The following GPC6 variants were observed in gnomAD, a reference collection of about 807,000 sequenced individuals.
GPC6 encodes glypican 6.
Under a neutral mutation model 55.2 loss-of-function variants are expected in GPC6, and 14 were observed. The ratio of observed to expected loss-of-function variants is 0.25; its 90% CI spans 0.17 to 0.40. The LOEUF (loss-of-function observed/expected upper bound fraction) is 0.40. Among genes scored for constraint, GPC6 ranks in the 10% least tolerant of loss-of-function variants. The pLI is 1.00. For synonymous variants in GPC6, 278 were observed against 259.6 expected (o/e 1.07, Z -0.68); for missense variants, 641 against 708.5 (o/e 0.90, Z 1.08).
rs1880667069 is a variant in GPC6 at position 94,391,997 on chromosome 13, T to C, written c.1290-6469T>C. ...TTTCTTCCTTTCTAAGGCTGAATTA[T>C]ATTTCCACTCTATGTGTATACCATA... is the stretch of plus-strand genomic sequence containing the variant. On this transcript the variant is annotated intron_variant, in intron 7 of 8. Coordinates refer to ENST00000377047, the MANE Select transcript of GPC6 (RefSeq NM_005708.5). Among the ~76,000 whole-genome samples the C allele has an allele frequency of 2.0e-5, 3 of 152,392 alleles. 1 individual carries two copies. Among genetic ancestry groups the C allele is most frequent in the Middle Eastern group, 6.8e-3 (2 of 294 alleles).
chr13:94,034,511 A>G (rs1883266480), intron 4 of GPC6, among the ~76,000 whole-genome samples: 1 of 152,160 alleles, frequency 6.6e-6, no homozygotes. Context: ...TCACAGAAGC[A>G]CAATTTCTAT....
At chr13:93,983,183 T>G (rs1382309861) in intron 3 of GPC6, among the ~76,000 whole-genome samples, 1 of 152,196 alleles carries the variant, frequency 6.6e-6, no homozygotes, top group Non-Finnish European at 1.5e-5. Flanking sequence ...GAAAAGCTTG[T>G]GCAAGACCTG....
intron 2 of GPC6, among the ~76,000 whole-genome samples, chr13:93,822,563 A>G (rs896055452): frequency 6.6e-6 from 1 of 152,034 alleles, no homozygotes; most frequent in African/African-American, 2.4e-5. Flanking sequence ...CATCACCTAC[A>G]TTAGGTATTT....
intron 2 of GPC6, among the ~76,000 whole-genome samples, chr13:93,774,149 T>C (rs772912860): frequency 5.8e-4 from 88 of 152,196 alleles, no homozygotes; most frequent in Non-Finnish European, 1.1e-3. Context: ...GTTCCAGATA[T>C]GTATAGACCA....
chr13:94,131,062 T>C (rs2138865934), intron 4 of GPC6, among the ~76,000 whole-genome samples: 1 of 152,246 alleles, frequency 6.6e-6, no homozygotes, highest in South Asian at 2.1e-4. Flanking sequence ...AGGAAAGAAG[T>C]AGCAGTCTTA....
At chr13:93,710,629 C>A (rs1466680810) in intron 2 of GPC6, among the ~76,000 whole-genome samples, 2 of 151,364 alleles carry the variant, frequency 1.3e-5, no homozygotes, top group East Asian at 3.9e-4. Flanking sequence ...TTATTTTGTT[C>A]TTAAAATTTG....
intron 1 of GPC6, among the ~76,000 whole-genome samples, chr13:93,345,801 G>C (rs887994876): frequency 6.6e-6 from 1 of 152,110 alleles, no homozygotes; most frequent in African/African-American, 2.4e-5. Flanking sequence ...ACCACGTCTT[G>C]TTTGGCTTTA....
chr13:93,555,584 TG>T (rs1179223987), intron 2 of GPC6, among the ~76,000 whole-genome samples: 9 of 152,156 alleles, frequency 5.9e-5, no homozygotes, highest in African/African-American at 2.2e-4. Flanking sequence ...TTGGTTCCAG[TG>T]GATTTAATGG....
intron 1 of GPC6, among the ~76,000 whole-genome samples, chr13:93,396,376 A>G (rs2139225450): frequency 6.6e-6 from 1 of 152,256 alleles, no homozygotes; most frequent in South Asian, 2.1e-4. Context: ...CAGCCTGGCC[A>G]ATACGGTGAA....
chr13:93,225,503 GTTTTGT>G (rs1875744922), upstream of GPC6, among the ~76,000 whole-genome samples: 77 of 11,412 alleles, frequency 6.7e-3, no homozygotes, highest in African/African-American at 7.4e-3. Context: ...TTTTTGTTTT[GTTTTGT>G]TTTTTTTTTT....
chr13:94,168,309 G>T (rs909305611), intron 4 of GPC6, among the ~76,000 whole-genome samples: 2 of 152,174 alleles, frequency 1.3e-5, no homozygotes, highest in African/African-American at 4.8e-5. Flanking sequence ...ATTCTATTTG[G>T]CTGTCTTTAG....
chr13:93,832,605 A>G (rs1887563434), intron 3 of GPC6, among the ~76,000 whole-genome samples: 1 of 152,130 alleles, frequency 6.6e-6, no homozygotes, highest in Non-Finnish European at 1.5e-5. Flanking sequence ...AGTGTCTACA[A>G]AGCCATGAGG....
At chr13:93,812,684 A>G (rs1296458363) in intron 2 of GPC6, among the ~76,000 whole-genome samples, 1 of 152,048 alleles carries the variant, frequency 6.6e-6, no homozygotes, top group Non-Finnish European at 1.5e-5. Flanking sequence ...TTTTAAATGG[A>G]TAATAATGAC....
chr13:94,373,859 G>A (rs867375265), intron 6 of GPC6, among the ~76,000 whole-genome samples: 95 of 152,136 alleles, frequency 6.2e-4, no homozygotes, highest in Middle Eastern at 3.4e-3. Context: ...GACTAACAGC[G>A]GATCTCTCGG....
chr13:94,275,448 G>T (rs907857902), intron 4 of GPC6, among the ~76,000 whole-genome samples: 2 of 152,078 alleles, frequency 1.3e-5, no homozygotes, highest in Admixed American at 6.6e-5. Flanking sequence ...TAGAGTATCT[G>T]GACTATATTT....
chr13:94,083,264 G>A lies in GPC6; in HGVS notation c.877+55370G>A, dbSNP rs544780331. 1.5e-3 allele frequency among the ~76,000 whole-genome samples: 234 copies of A among 151,952 alleles called. 1 individual carries two copies. Among genetic ancestry groups the A allele is most frequent in the African/African-American group, 5.3e-3 (218 of 41,454 alleles). ...CTCCTGAGTAGCTGGGACTACAGGC[G>A]CCCGCCACCACACCCGTCTAATTTT... On this transcript the variant is annotated intron_variant, in intron 4 of 8. Coordinates refer to ENST00000377047, the MANE Select transcript of GPC6 (RefSeq NM_005708.5).
At chr13:93,443,698 A>T (rs1393036953) in intron 1 of GPC6, among the ~76,000 whole-genome samples, 1 of 152,186 alleles carries the variant, frequency 6.6e-6, no homozygotes, top group East Asian at 1.9e-4. Flanking sequence ...TTCACAAATA[A>T]TTGGTGTTTC....
intron 2 of GPC6, among the ~76,000 whole-genome samples, chr13:93,725,450 A>G (rs1007652229): frequency 1.3e-5 from 2 of 152,104 alleles, no homozygotes; most frequent in African/African-American, 4.8e-5. Flanking sequence ...AATAAACAAA[A>G]GAATGCTTCT....
chr13:94,227,039 A>G (rs960835584), intron 4 of GPC6, among the ~76,000 whole-genome samples: 17 of 152,208 alleles, frequency 1.1e-4, no homozygotes, highest in Non-Finnish European at 8.8e-5. Flanking sequence ...AAATGGTGGA[A>G]TTCTCTGCGT....
Sources: allele counts gnomAD v4.1 joint callset (sites outside exome capture counted in the v4.1 genomes callset), GRCh38; gene constraint gnomAD v4.1.1; transcripts MANE v1.5; gene names NCBI Gene and HGNC (gene_info 2026-07-23, HGNC 2026-07-21).